Variants in CPNE4 observed in about 807,000 individuals in gnomAD.
The protein encoded by CPNE4 is copine 4.
In CPNE4, 25 loss-of-function variants were observed where a neutral mutation model predicts 67.9. That is an observed-to-expected ratio of 0.37 (90% CI 0.27 to 0.51). The LOEUF (loss-of-function observed/expected upper bound fraction) is 0.51. Among genes scored for constraint, CPNE4 ranks in the 20% least tolerant of loss-of-function variants. CPNE4 has a pLI of 0.93. For synonymous variants in CPNE4, 242 were observed against 244.9 expected (o/e 0.99, Z 0.11); for missense variants, 464 against 690.8 (o/e 0.67, Z 3.68).
chr3:131,717,892 TTC>T (rs879507983), intron 3 of CPNE4, among the ~76,000 whole-genome samples: 11 of 83,138 alleles, frequency 1.3e-4, no homozygotes, highest in African/African-American at 3.7e-4. Flanking sequence ...CTTTCTTTCT[TTC>T]TTTCTTTCTT....
At chr3:132,027,683 G>A (rs1049699952) in intron 1 of CPNE4, among the ~76,000 whole-genome samples, 5 of 113,196 alleles carry the variant, frequency 4.4e-5, no homozygotes, top group Non-Finnish European at 9.5e-5. Flanking sequence ...AATGTCAGGT[G>A]CAAAACTCCT....
At position 131,780,446 on chromosome 3, in the gene CPNE4, G is replaced by A. The variant is rs188628385; in HGVS notation, c.181-56821C>T. On this transcript the variant is annotated intron_variant, in intron 2 of 15. Coordinates refer to ENST00000429747, the MANE Select transcript of CPNE4 (RefSeq NM_130808.3). ...TCAATCTATATGCCCATCAGTGGTGGACTGGGTAAAGAAAATATGGTACAT... is the reference window on the plus strand; with the variant it reads ...TCAATCTATATGCCCATCAGTGGTGAACTGGGTAAAGAAAATATGGTACAT... 5.4e-3 allele frequency among the ~76,000 whole-genome samples: 822 copies of A among 152,166 alleles called. 5 individuals carry two copies. Among genetic ancestry groups the A allele is most frequent in the Non-Finnish European group, 8.9e-3 (607 of 67,996 alleles).
At chr3:131,703,754 A>G (rs2081357372) in intron 3 of CPNE4, among the ~76,000 whole-genome samples, 1 of 152,196 alleles carries the variant, frequency 6.6e-6, no homozygotes, top group South Asian at 2.1e-4. Flanking sequence ...AACAGTTACA[A>G]TAACAGATAT....
At chr3:131,863,398 A>G (rs903527148) in intron 2 of CPNE4, among the ~76,000 whole-genome samples, 2 of 152,206 alleles carry the variant, frequency 1.3e-5, no homozygotes, top group Non-Finnish European at 2.9e-5. Flanking sequence ...AATGATCGCC[A>G]TTCTAACTGG....
upstream of CPNE4, chr3:132,037,676 A>C: frequency 7.2e-7 from 1 of 1,389,154 alleles, no homozygotes; most frequent in East Asian, 2.5e-5. Flanking sequence ...TTGCAAAGGA[A>C]GCTTCAGCTC....
chr3:131,665,893 G>A (rs1003775074), intron 7 of CPNE4, among the ~76,000 whole-genome samples: 5 of 152,070 alleles, frequency 3.3e-5, no homozygotes, highest in African/African-American at 1.2e-4. Flanking sequence ...GAAAAGACAT[G>A]CCATATTCTA....
chr3:131,822,269 A>C (rs2107971805), intron 2 of CPNE4, among the ~76,000 whole-genome samples: 1 of 152,314 alleles, frequency 6.6e-6, no homozygotes, highest in East Asian at 1.9e-4. Context: ...ATAGGATTTG[A>C]AATTTGGTTC....
Position 131,790,645 on chromosome 3 carries a change from T to C in CPNE4, c.181-67020A>G, listed in dbSNP as rs75936973. Among the ~76,000 whole-genome samples the C allele has an allele frequency of 1.6e-3, 238 of 152,254 alleles. 9 individuals are homozygous for C. Among genetic ancestry groups the C allele is most frequent in the Admixed American group, 0.011 (167 of 15,276 alleles). On this transcript the variant is annotated intron_variant, in intron 2 of 15. Transcript: ENST00000429747. Reference sequence around the variant, plus strand: ...GAGACTCAGCTGTGGCATCACCTCATCTGAAACTCTTTCTTGACTTCTCTT... The same window carrying C: ...GAGACTCAGCTGTGGCATCACCTCACCTGAAACTCTTTCTTGACTTCTCTT...
At position 131,965,421 on chromosome 3, in the gene CPNE4, C is replaced by A. The variant is rs1390613744; in HGVS notation, c.-1-59977G>T. 2.6e-5 allele frequency among the ~76,000 whole-genome samples: 4 copies of A among 152,120 alleles called. No homozygotes were observed. In the East Asian group the frequency reaches 7.7e-4, roughly 29 times the overall value. On this transcript the variant is annotated intron_variant, in intron 1 of 15. Transcript: ENST00000429747. ...GGCTAAATGCCCCAATTAAAAGACA[C>A]AGAGTGGAAAATTGGATAAAGAATC...
At chr3:131,674,429 C>T (rs1247430654) in intron 6 of CPNE4, among the ~76,000 whole-genome samples, 3 of 151,976 alleles carry the variant, frequency 2.0e-5, no homozygotes, top group Non-Finnish European at 2.9e-5. Flanking sequence ...TGGTAGAATT[C>T]AGCAGTGAAG....
chr3:131,826,578 G>C (rs2107983182), intron 2 of CPNE4, among the ~76,000 whole-genome samples: 1 of 152,186 alleles, frequency 6.6e-6, no homozygotes, highest in East Asian at 1.9e-4. Flanking sequence ...TTGTTTGTTT[G>C]TTTGTTCGCT....
intron 2 of CPNE4, among the ~76,000 whole-genome samples, chr3:131,889,718 T>C (rs1403730844): frequency 1.3e-5 from 2 of 152,212 alleles, no homozygotes; most frequent in Non-Finnish European, 2.9e-5. Flanking sequence ...TGTCAACCAA[T>C]GGCAACACAA....
Position 131,775,349 on chromosome 3 carries a change from A to G in CPNE4, c.181-51724T>C, listed in dbSNP as rs79979088. 2.9e-3 allele frequency among the ~76,000 whole-genome samples: 446 copies of G among 152,258 alleles called. 3 individuals are homozygous for G. The highest frequency in any genetic ancestry group is 0.01 in the African/African-American group (433 of 41,560). Reference sequence around the variant, plus strand: ...TTTTCTTTTGTTCCAGGAAATTAACATCTTTGGTGGGGTAGAATTTTAGTT... The same window carrying G: ...TTTTCTTTTGTTCCAGGAAATTAACGTCTTTGGTGGGGTAGAATTTTAGTT... On this transcript the variant is annotated intron_variant, in intron 2 of 15. Transcript: ENST00000429747.
At chr3:131,973,956 T>A (rs2072574670) in intron 1 of CPNE4, among the ~76,000 whole-genome samples, 1 of 152,158 alleles carries the variant, frequency 6.6e-6, no homozygotes, top group African/African-American at 2.4e-5. Context: ...CTTACCCTAT[T>A]TGAAAAATGT....
At chr3:131,769,742 T>C (rs1470255456) in intron 2 of CPNE4, among the ~76,000 whole-genome samples, 1 of 152,148 alleles carries the variant, frequency 6.6e-6, no homozygotes, top group Non-Finnish European at 1.5e-5. Context: ...ATTGCAACTG[T>C]TAGTGGAAGG....
At chr3:131,863,619 G>A (rs1299349327) in intron 2 of CPNE4, among the ~76,000 whole-genome samples, 6 of 152,152 alleles carry the variant, frequency 3.9e-5, no homozygotes, top group African/African-American at 4.8e-5. Flanking sequence ...TTTGTCAGAT[G>A]AGTAGGTTGT....
At chr3:132,016,981 A>G (rs1316427941) in intron 1 of CPNE4, among the ~76,000 whole-genome samples, 1 of 152,176 alleles carries the variant, frequency 6.6e-6, no homozygotes, top group African/African-American at 2.4e-5. Flanking sequence ...AGCAAATTGC[A>G]TGTGGTAGGT....
At chr3:131,713,537 T>C (rs2107726996) in intron 3 of CPNE4, among the ~76,000 whole-genome samples, 1 of 152,252 alleles carries the variant, frequency 6.6e-6, no homozygotes, top group South Asian at 2.1e-4. Context: ...TCATTGACTA[T>C]TAGAACTGGA....
intron 2 of CPNE4, among the ~76,000 whole-genome samples, chr3:131,819,511 CACA>C (rs755453147): frequency 6.6e-6 from 1 of 151,684 alleles, no homozygotes; most frequent in Admixed American, 6.6e-5. Context: ...CACACACACA[CACA>C]CACACACACG....
Sources: allele counts gnomAD v4.1 joint callset (sites outside exome capture counted in the v4.1 genomes callset), GRCh38; gene constraint gnomAD v4.1.1; transcripts MANE v1.5; gene names NCBI Gene and HGNC (gene_info 2026-07-23, HGNC 2026-07-21).